FNDC3A: variants seen among roughly 807,000 people sequenced by gnomAD.
FNDC3A encodes fibronectin type-III domain-containing protein 3A.
Under a neutral mutation model 148.9 loss-of-function variants are expected in FNDC3A, and 32 were observed. That is an observed-to-expected ratio of 0.21 (90% CI 0.16 to 0.29). The LOEUF is 0.29. FNDC3A is among the 10% of genes least tolerant of loss of function. FNDC3A has a pLI of 1.00. For synonymous variants in FNDC3A, 472 were observed against 473.6 expected, an observed-to-expected ratio of 1.00 and a Z score of 0.04; for missense variants, 1,191 against 1,452.8, an observed-to-expected ratio of 0.82 and a Z score of 2.93.
At chr13:49,022,692 A>G (rs555888463) in intron 2 of FNDC3A, among the ~76,000 whole-genome samples, 7 of 152,270 alleles carry the variant, frequency 4.6e-5, no homozygotes, top group South Asian at 4.1e-4. Context: ...TCTAACTGCT[A>G]TGCAGCTTTG....
At chr13:49,200,155 C>T (rs1226275187) in intron 23 of FNDC3A, among the ~76,000 whole-genome samples, 4 of 152,212 alleles carry the variant, frequency 2.6e-5, no homozygotes, top group African/African-American at 9.6e-5. Context: ...CTGATGGACT[C>T]AGAATACTAG....
Position 49,174,452 on chromosome 13 carries a change from A to G in FNDC3A, c.1248A>G (p.Glu416=). The change falls in exon 12 of 26, where the codon GAA becomes GAG. Residue 416 remains glutamate, a synonymous_variant. Transcript: ENST00000492622. The part of the protein sequence containing the change: ...LEWDEGKGNG[E]FCQCYMGSQK... Reference sequence around the variant, plus strand: ...TCTTGTAGGGAAAAGGAAATGGAGAATTTTGTCAGTGTTACATGGGCTCAC... The same window carrying G: ...TCTTGTAGGGAAAAGGAAATGGAGAGTTTTGTCAGTGTTACATGGGCTCAC... The G allele has an allele frequency of 6.2e-7, 1 of 1,611,516 alleles. No homozygotes were observed. Among genetic ancestry groups the G allele is most frequent in the African/African-American group, 1.3e-5 (1 of 74,968 alleles).
chr13:48,983,449 T>C (rs1462897064), intron 1 of FNDC3A, among the ~76,000 whole-genome samples: 1 of 152,230 alleles, frequency 6.6e-6, no homozygotes, highest in Non-Finnish European at 1.5e-5. Context: ...GTGGACCATA[T>C]GGGCTCAGTT....
At chr13:49,148,449 C>T (rs1055501196) in intron 8 of FNDC3A, among the ~76,000 whole-genome samples, 5 of 152,162 alleles carry the variant, frequency 3.3e-5, no homozygotes, top group African/African-American at 1.2e-4. Flanking sequence ...ATTTTCCTAG[C>T]AGCATTTATT....
Position 48,977,152 on chromosome 13 carries a change from A to G in FNDC3A, c.-40+975A>G, listed in dbSNP as rs139642132. Reference sequence around the variant, plus strand: ...TGGACACCTTTGTGTCTGACCATCTATTAAATAAGAGTCGCAGGCTGATGA... The same window carrying G: ...TGGACACCTTTGTGTCTGACCATCTGTTAAATAAGAGTCGCAGGCTGATGA... On this transcript the variant is annotated intron_variant, in intron 1 of 25. Coordinates refer to ENST00000492622, the MANE Select transcript of FNDC3A (RefSeq NM_001079673.2). Among the ~76,000 whole-genome samples, 6 of 152,250 alleles carry G rather than the reference A, an allele frequency of 3.9e-5. No individual in the cohort carries two copies. The East Asian group carries it at 1.2e-3, about 29-fold the overall frequency.
chr13:49,036,001 T>C (rs971146450), intron 2 of FNDC3A, among the ~76,000 whole-genome samples: 2 of 152,160 alleles, frequency 1.3e-5, no homozygotes, highest in African/African-American at 2.4e-5. Flanking sequence ...TGACAAGATC[T>C]AGCCAAGTAT....
chr13:49,017,359 G>C (rs1872886392), intron 2 of FNDC3A, among the ~76,000 whole-genome samples: 1 of 152,006 alleles, frequency 6.6e-6, no homozygotes, highest in South Asian at 2.1e-4. Context: ...TTATGTAATG[G>C]CCTTCTTTGT....
chr13:49,144,050 A>C (rs530132582), intron 7 of FNDC3A, among the ~76,000 whole-genome samples: 3 of 151,240 alleles, frequency 2.0e-5, no homozygotes, highest in Non-Finnish European at 4.4e-5. Context: ...AATAATAATA[A>C]TAAAGTAGAT....
intron 1 of FNDC3A, among the ~76,000 whole-genome samples, chr13:48,993,506 G>A (rs1484394217): frequency 6.6e-6 from 1 of 152,090 alleles, no homozygotes; most frequent in Non-Finnish European, 1.5e-5. Flanking sequence ...TCATATGATA[G>A]CACACTTAAG....
intron 3 of FNDC3A, among the ~76,000 whole-genome samples, chr13:49,105,428 T>G (rs1471128384): frequency 3.3e-5 from 5 of 152,210 alleles, no homozygotes; most frequent in Non-Finnish European, 7.4e-5. Flanking sequence ...CTCTAAGAGA[T>G]AGCATTAGAT....
At chr13:49,073,800 G>GTA (rs1192156698) in intron 2 of FNDC3A, among the ~76,000 whole-genome samples, 2 of 140,970 alleles carry the variant, frequency 1.4e-5, no homozygotes, top group Non-Finnish European at 3.0e-5. Flanking sequence ...TTATATATAT[G>GTA]TATATATATT....
At chr13:49,025,950 A>T (rs540768695) in intron 2 of FNDC3A, among the ~76,000 whole-genome samples, 2 of 152,236 alleles carry the variant, frequency 1.3e-5, no homozygotes, top group Non-Finnish European at 2.9e-5. Flanking sequence ...AAAATCTTAT[A>T]TATAAGGCAC....
intron 14 of FNDC3A, among the ~76,000 whole-genome samples, chr13:49,181,751 T>C (rs561841875): frequency 6.6e-5 from 10 of 150,574 alleles, no homozygotes; most frequent in Middle Eastern, 3.4e-3. Context: ...TGAGAAAAGC[T>C]ACAAAAAAAA....
intron 7 of FNDC3A, among the ~76,000 whole-genome samples, chr13:49,142,478 A>T (rs1471104146): frequency 6.6e-6 from 1 of 151,392 alleles, no homozygotes; most frequent in Non-Finnish European, 1.5e-5. Flanking sequence ...TATAGGATCC[A>T]CTCTCCCCAC....
chr13:49,025,578 T>C (rs1201501510), intron 2 of FNDC3A, among the ~76,000 whole-genome samples: 2 of 152,122 alleles, frequency 1.3e-5, no homozygotes, highest in African/African-American at 4.8e-5. Flanking sequence ...TAAACTTAAC[T>C]GATACACTAA....
Position 49,096,256 on chromosome 13 carries a change from A to G in FNDC3A, c.176-18399A>G, listed in dbSNP as rs149656989. 3.1e-3 allele frequency among the ~76,000 whole-genome samples: 472 copies of G among 152,198 alleles called. 3 individuals carry two copies. Among genetic ancestry groups the G allele is most frequent in the South Asian group, 0.019 (92 of 4,818 alleles). On this transcript the variant is annotated intron_variant, in intron 3 of 25. Transcript: ENST00000492622. ...TCTTTACAGGTATGTTATTTTCTCT[A>G]TGGCTCCAGAGGTTAAAATTATGAC...
At chr13:49,182,240 C>G (rs1158446488) in intron 14 of FNDC3A, among the ~76,000 whole-genome samples, 1 of 152,072 alleles carries the variant, frequency 6.6e-6, no homozygotes, top group African/African-American at 2.4e-5. Flanking sequence ...CCTCCCACCT[C>G]AGCCTCCCAA....
intron 1 of FNDC3A, among the ~76,000 whole-genome samples, chr13:48,997,009 G>T (rs1183125100): frequency 2.6e-5 from 4 of 151,882 alleles, no homozygotes; most frequent in African/African-American, 9.7e-5. Flanking sequence ...GCTGCAGCGG[G>T]CGGAGATCGC....
chr13:49,067,368 G>C (rs1877335948), intron 2 of FNDC3A, among the ~76,000 whole-genome samples: 1 of 152,166 alleles, frequency 6.6e-6, no homozygotes, highest in South Asian at 2.1e-4. Flanking sequence ...TCTCTGTGCA[G>C]ATTGTTGGTT....
Sources: allele counts gnomAD v4.1 joint callset (sites outside exome capture counted in the v4.1 genomes callset), GRCh38; gene constraint gnomAD v4.1.1; transcripts MANE v1.5; gene names NCBI Gene and HGNC (gene_info 2026-07-23, HGNC 2026-07-21).